UNC13C: variants seen among roughly 807,000 people sequenced by gnomAD.
UNC13C encodes protein unc-13 homolog C.
A neutral mutation model predicts 245.4 loss-of-function variants in UNC13C; 174 were observed. That is an observed-to-expected ratio of 0.71 (90% CI 0.63 to 0.80). UNC13C has a LOEUF of 0.80. Ranked by LOEUF, UNC13C falls within the 30% of genes least tolerant of loss-of-function variation. The pLI, the probability that UNC13C is intolerant of heterozygous loss-of-function variation, is 0.00. For synonymous variants in UNC13C, 992 were observed against 895.1 expected (o/e 1.11, Z -1.93); for missense variants, 2,829 against 2,602.9 (o/e 1.09, Z -1.89).
intron 30 of UNC13C, among the ~76,000 whole-genome samples, chr15:54,590,431 T>C (rs560313656): frequency 3.9e-5 from 6 of 152,372 alleles, no homozygotes; most frequent in South Asian, 2.1e-4. Flanking sequence ...TGGGATGTGT[T>C]TCCATTTGTT....
intron 2 of UNC13C, among the ~76,000 whole-genome samples, chr15:54,070,324 G>A (rs1293537673): frequency 1.3e-5 from 2 of 152,102 alleles, no homozygotes; most frequent in African/African-American, 2.4e-5. Flanking sequence ...ATCTAGTTAG[G>A]CATAAAAGAC....
intron 17 of UNC13C, among the ~76,000 whole-genome samples, chr15:54,387,218 G>A (rs1256311869): frequency 3.9e-5 from 6 of 152,102 alleles, no homozygotes; most frequent in Non-Finnish European, 8.8e-5. Flanking sequence ...GACAAAGCAG[G>A]GCTACCCCAT....
chr15:53,871,937 C>T, the UNC13C span, among the ~76,000 whole-genome samples: 3 of 152,316 alleles, frequency 2.0e-5, no homozygotes, highest in South Asian at 4.1e-4. Context: ...TCCTCTGCTG[C>T]TAGTTTCTAC....
intron 2 of UNC13C, chr15:54,050,920 T>C: frequency 1.8e-6 from 1 of 548,032 alleles, no homozygotes; most frequent in East Asian, 5.0e-5. Context: ...CTTGATTGTA[T>C]TTACTCAAGT....
rs1248514852 is a variant in UNC13C, at chr15:54,627,811, T to TAA, written c.*699_*700dup. Reference sequence around the variant, plus strand: ...GATCACATCACATTTGTAAAAATGGTAAGTTAATGCATTTGTCATATAGTG... The same window carrying TAA: ...GATCACATCACATTTGTAAAAATGGTAAAAGTTAATGCATTTGTCATATAGTG... On this transcript the variant is annotated 3_prime_UTR_variant, in exon 33 of 33. Transcript: ENST00000260323. 2 of 150,538 alleles carry TAA rather than the reference T, an allele frequency of 1.3e-5. No individual in the cohort carries two copies. Among genetic ancestry groups the TAA allele is most frequent in the East Asian group, 3.8e-4 (2 of 5,196 alleles). The allele number at this position is 150,538 out of a possible 1,614,324, so 9.3% of individuals were successfully genotyped here.
At chr15:54,459,619 T>C (rs79468452) in intron 19 of UNC13C, among the ~76,000 whole-genome samples, 2,465 of 152,190 alleles carry the variant, frequency 0.016, 65 homozygotes, top group African/African-American at 0.057. Context: ...CTTTGTCAGA[T>C]TGAGTTAATT....
intron 17 of UNC13C, among the ~76,000 whole-genome samples, chr15:54,385,265 G>A (rs769074971): frequency 2.6e-5 from 4 of 152,006 alleles, no homozygotes; most frequent in African/African-American, 7.3e-5. Context: ...GAAGTCCTTC[G>A]GTACTATGGA....
intron 26 of UNC13C, among the ~76,000 whole-genome samples, chr15:54,544,280 A>G (rs1422359101): frequency 1.3e-5 from 2 of 152,212 alleles, no homozygotes; most frequent in East Asian, 1.9e-4. Context: ...TAAAATAGGT[A>G]TTGATGGAAC....
chr15:54,556,436 A>G (rs1897091643), intron 29 of UNC13C, among the ~76,000 whole-genome samples: 2 of 152,062 alleles, frequency 1.3e-5, no homozygotes, highest in African/African-American at 4.8e-5. Flanking sequence ...CAGTTTCAGC[A>G]TTTAATATGA....
chr15:54,457,706 G>A (rs962299761), intron 19 of UNC13C, among the ~76,000 whole-genome samples: 4 of 151,994 alleles, frequency 2.6e-5, no homozygotes, highest in East Asian at 3.9e-4. Context: ...TATTTCTGTG[G>A]TATCAGTAGA....
intron 25 of UNC13C, among the ~76,000 whole-genome samples, chr15:54,528,318 CTTT>C (rs33919757): frequency 1.3e-4 from 18 of 140,996 alleles, no homozygotes; most frequent in African/African-American, 3.9e-4. Flanking sequence ...TGGTTTGCTC[CTTT>C]TTTTTTTTTT....
chr15:54,438,598 A>G (rs887663061), intron 19 of UNC13C, among the ~76,000 whole-genome samples: 1 of 152,016 alleles, frequency 6.6e-6, no homozygotes, highest in East Asian at 1.9e-4. Flanking sequence ...TGTTCTTGCC[A>G]TCAAGGCATA....
At chr15:53,979,924 C>T (rs1893858496) in intron 1 of UNC13C, among the ~76,000 whole-genome samples, 2 of 152,034 alleles carry the variant, frequency 1.3e-5, no homozygotes, top group African/African-American at 4.8e-5. Context: ...ATTAAATGTG[C>T]ATATGTCTAT....
At chr15:54,380,742 G>A (rs1014171586) in intron 17 of UNC13C, among the ~76,000 whole-genome samples, 1 of 152,018 alleles carries the variant, frequency 6.6e-6, no homozygotes, top group African/African-American at 2.4e-5. Flanking sequence ...TATATGTGTT[G>A]ACTATTTGTA....
chr15:54,411,887 A>G (rs2140945894), intron 18 of UNC13C, among the ~76,000 whole-genome samples: 1 of 152,312 alleles, frequency 6.6e-6, no homozygotes, highest in Middle Eastern at 3.4e-3. Flanking sequence ...ATTTGAGAAA[A>G]GATAAAATTC....
intron 17 of UNC13C, among the ~76,000 whole-genome samples, chr15:54,381,897 A>G (rs943251165): frequency 2.6e-5 from 4 of 152,206 alleles, no homozygotes; most frequent in Admixed American, 6.5e-5. Flanking sequence ...ACTTGCGACC[A>G]AATGAATCTA....
At chr15:54,545,748 A>G (rs1896456320) in intron 26 of UNC13C, among the ~76,000 whole-genome samples, 1 of 152,184 alleles carries the variant, frequency 6.6e-6, no homozygotes, top group Admixed American at 6.5e-5. Flanking sequence ...TTTGCATTAG[A>G]AATGCAAATC....
intron 17 of UNC13C, among the ~76,000 whole-genome samples, chr15:54,383,867 A>G (rs1469957016): frequency 6.6e-6 from 1 of 152,144 alleles, no homozygotes; most frequent in African/African-American, 2.4e-5. Context: ...CTATCCACCA[A>G]TAATGGCATA....
chr15:54,528,974 C>A (rs1272496942), intron 25 of UNC13C, among the ~76,000 whole-genome samples: 1 of 152,044 alleles, frequency 6.6e-6, no homozygotes, highest in Non-Finnish European at 1.5e-5. Flanking sequence ...GCAGCTTCAG[C>A]CAGATAAAAG....
Sources: gnomAD v4.1 joint callset for allele counts (sites outside exome capture counted in the v4.1 genomes callset) on GRCh38, gnomAD v4.1.1 for gene constraint, MANE v1.5 for transcripts, NCBI Gene and HGNC (gene_info 2026-07-23, HGNC 2026-07-21) for gene names.